SPG7: variants seen among roughly 807,000 people sequenced by gnomAD.
The protein encoded by SPG7 is mitochondrial inner membrane m-AAA protease component paraplegin.
SPG7 carries 103 observed loss-of-function variants against 81.9 expected under a neutral mutation model. That is an observed-to-expected ratio of 1.26 (90% CI 1.07 to 1.48). The LOEUF (loss-of-function observed/expected upper bound fraction) is 1.48. SPG7 is among the 40% of genes most tolerant of loss of function. The pLI is 0.00. For missense variants in SPG7, 1,241 were observed against 1,087.3 expected (o/e 1.14, Z -1.99); for synonymous variants, 534 against 444.2 (o/e 1.20, Z -2.54).
chr16:89,539,859 G>GC (rs755546673), intron 9 of SPG7: 2 of 152,118 alleles, frequency 1.3e-5, no homozygotes, highest in Non-Finnish European at 2.9e-5. Flanking sequence ...ACAGGTGTGA[G>GC]CCCCCATGCC....
At chr16:89,546,145 G>A (rs1044282370) in intron 10 of SPG7, 6 of 293,312 alleles carry the variant, frequency 2.0e-5, no homozygotes, top group Admixed American at 9.8e-5. Flanking sequence ...GGAGTGCAGC[G>A]GCGCGATCTC....
chr16:89,554,139 G>A (rs1345338445), intron 15 of SPG7, among the ~76,000 whole-genome samples, 179 bp downstream of exon 15: 1 of 152,250 alleles, frequency 6.6e-6, no homozygotes, highest in East Asian at 1.9e-4. Context: ...CTTCTCAAAT[G>A]AGGACATAGA....
At chr16:89,532,173 G>A (rs1233658915) in intron 8 of SPG7, 107 bp downstream of exon 8, 1 of 1,241,010 alleles carries the variant, frequency 8.1e-7, no homozygotes, top group African/African-American at 1.5e-5. Context: ...GTGGGTGGGG[G>A]AGTAGAGAAG....
intron 10 of SPG7, chr16:89,545,495 G>A: frequency 1.1e-5 from 2 of 189,502 alleles, no homozygotes; most frequent in South Asian, 1.8e-4. Context: ...CGGAGCAGAA[G>A]CCCTTCCCGC....
intron 11 of SPG7, chr16:89,547,564 A>G (rs1378799061): frequency 3.7e-6 from 1 of 267,802 alleles, no homozygotes; most frequent in Non-Finnish European, 7.3e-6. Flanking sequence ...CGCTCTCACC[A>G]GCACTCTTGG....
chr16:89,540,829 G>A, intron 9 of SPG7: 1 of 901,212 alleles, frequency 1.1e-6, no homozygotes, highest in Non-Finnish European at 1.3e-6. Context: ...AAAGACTTAG[G>A]CTCACACGAA....
chr16:89,542,661 G>A (rs1418877507), intron 9 of SPG7, among the ~76,000 whole-genome samples: 1 of 152,178 alleles, frequency 6.6e-6, no homozygotes, highest in African/African-American at 2.4e-5. Flanking sequence ...CTACGGCTTA[G>A]TGAGGCTCAG....
chr16:89,554,530 G>A lies in SPG7; in HGVS notation c.2148G>A (p.Lys716=), dbSNP rs776661222. Residue 716 remains lysine (K), a synonymous_variant, in exon 16 of 17, where the codon AAG becomes AAA. Transcript: ENST00000645818. ...CCAAGGCCTACAGACACACCGAGAA[G>A]GTGCTGCAGGACAACCTGGACAAGT... ...LVAKAYRHTE[K]VLQDNLDKLQ... is the part of the protein sequence containing the mutation. The A allele has an allele frequency of 6.2e-7, 1 of 1,609,882 alleles. No homozygotes were observed. The highest frequency in any genetic ancestry group is 1.1e-5 in the South Asian group (1 of 91,052).
intron 1 of SPG7, 74 bp downstream of exon 1, chr16:89,508,674 T>G (rs986894693): frequency 1.1e-4 from 148 of 1,361,226 alleles, no homozygotes; most frequent in African/African-American, 1.4e-4. Context: ...GCGGGGCGGG[T>G]CGGAGGCCGC....
intron 9 of SPG7, chr16:89,533,182 CTT>C (rs374352102): frequency 0.012 from 1,892 of 160,676 alleles, 40 homozygotes; most frequent in African/African-American, 0.042. Context: ...CTTTCCTTTT[CTT>C]TTTTAGATAG....
chr16:89,537,326 G>A (rs1319776506), intron 9 of SPG7: 8 of 1,203,272 alleles, frequency 6.6e-6, no homozygotes, highest in East Asian at 4.4e-5. Flanking sequence ...TGGAGGCACC[G>A]CCGGCGATGG....
intron 9 of SPG7, chr16:89,541,829 G>A: frequency 6.6e-6 from 1 of 152,070 alleles, no homozygotes; most frequent in East Asian, 1.9e-4. Context: ...AGCTGCCCAG[G>A]GGGAGCATGT....
At chr16:89,517,931 T>C (rs2058125566) in intron 3 of SPG7, 1 of 152,252 alleles carries the variant, frequency 6.6e-6, no homozygotes, top group African/African-American at 2.4e-5. Flanking sequence ...GTGATTGTTT[T>C]ATGTTTATTC....
intron 6 of SPG7, chr16:89,530,396 G>A (rs564154968): frequency 2.7e-5 from 12 of 447,106 alleles, no homozygotes; most frequent in Middle Eastern, 6.8e-4. Context: ...CGCCCATCTC[G>A]GCCTCCCAAA....
At chr16:89,509,096 C>T in intron 1 of SPG7, 1 of 400,188 alleles carries the variant, frequency 2.5e-6, no homozygotes. Context: ...TTGATACAGT[C>T]ATTGAGCACC....
At chr16:89,542,710 T>G (rs2058510923) in intron 9 of SPG7, among the ~76,000 whole-genome samples, 1 of 152,076 alleles carries the variant, frequency 6.6e-6, no homozygotes, top group Non-Finnish European at 1.5e-5. Flanking sequence ...CCCCTCAGCC[T>G]CCTCAGAGCG....
chr16:89,554,957 C>T (rs768475697), intron 16 of SPG7: 3 of 248,710 alleles, frequency 1.2e-5, no homozygotes, highest in South Asian at 4.3e-5. Flanking sequence ...GCTCTGTCAC[C>T]CAGGCTGGAG....
At chr16:89,520,588 G>C (rs1447953078) in intron 3 of SPG7, 2 of 153,140 alleles carry the variant, frequency 1.3e-5, no homozygotes, top group African/African-American at 4.8e-5. Flanking sequence ...GTAGAGACAG[G>C]GTTTCACCAT....
chr16:89,520,990 C>T (rs913215205), intron 3 of SPG7: 3 of 152,286 alleles, frequency 2.0e-5, no homozygotes, highest in East Asian at 1.9e-4. Context: ...CACCCCAGAA[C>T]GTGTGCAAGG....
Sources: gnomAD v4.1 joint callset for allele counts (sites outside exome capture counted in the v4.1 genomes callset) on GRCh38, gnomAD v4.1.1 for gene constraint, MANE v1.5 for transcripts, NCBI Gene and HGNC (gene_info 2026-07-23, HGNC 2026-07-21) for gene names.